The following KANK4 variants were observed in gnomAD, a reference collection of about 807,000 sequenced individuals.
The protein encoded by KANK4 is KN motif and ankyrin repeat domains 4, also known as KN motif and ankyrin repeat domain-containing protein 4.
Under a neutral mutation model 80.8 loss-of-function variants are expected in KANK4, and 50 were observed. The ratio of observed to expected loss-of-function variants is 0.62; its 90% confidence interval spans 0.49 to 0.78. The LOEUF (loss-of-function observed/expected upper bound fraction) is 0.78, where lower values mean the gene tolerates loss of function less well. KANK4 is among the 30% of genes least tolerant of loss of function. KANK4 has a pLI of 0.00. For missense variants in KANK4, 1,196 were observed against 1,240.1 expected, an observed-to-expected ratio of 0.96 and a Z score of 0.53; for synonymous variants, 465 against 506.9, an observed-to-expected ratio of 0.92 and a Z score of 1.11.
chr1:62,284,158 C>T (rs528773027), intron 1 of KANK4, among the ~76,000 whole-genome samples: 1 of 152,290 alleles, frequency 6.6e-6, no homozygotes, highest in East Asian at 1.9e-4. Flanking sequence ...ATGGTCCTAG[C>T]AACAGACATC....
intron 4 of KANK4, among the ~76,000 whole-genome samples, 158 bp downstream of exon 4, chr1:62,271,320 G>A (rs551961959): frequency 9.2e-5 from 14 of 152,262 alleles, no homozygotes; most frequent in South Asian, 4.1e-4. Context: ...GAAGCCAAAC[G>A]CATGCAAACC....
At position 62,263,114 on chromosome 1, in the gene KANK4, G is replaced by A. The variant is rs1671928209; in HGVS notation, c.2517C>T (p.Ile839=). The A allele has an allele frequency of 1.2e-6, 2 of 1,613,234 alleles. No individual in the cohort carries two copies. Among genetic ancestry groups the A allele is most frequent in the Non-Finnish European group, 1.7e-6 (2 of 1,179,516 alleles). ...HYSVSHSNFS[I]VKLLLETGVC... is the part of the protein sequence containing the mutation. ...GACCTGTCTCCAGCAGCAGCTTCAC[G>A]ATGGAGAAGTTGGAGTGGGACACGC... The change falls in exon 7 of 10, where the codon ATC becomes ATT. Residue 839 remains isoleucine, a synonymous_variant. Transcript: ENST00000371153.
intron 6 of KANK4, among the ~76,000 whole-genome samples, chr1:62,265,502 A>G (rs963338149): frequency 6.6e-6 from 1 of 152,170 alleles, no homozygotes; most frequent in African/African-American, 2.4e-5. Flanking sequence ...TTGGCCTCCC[A>G]AAGTACTGGG....
intron 1 of KANK4, among the ~76,000 whole-genome samples, chr1:62,282,529 A>G (rs1336826060): frequency 1.3e-5 from 2 of 152,182 alleles, no homozygotes; most frequent in Non-Finnish European, 2.9e-5. Context: ...GTGATGAGGG[A>G]AGGACTGGGA....
intron 6 of KANK4, among the ~76,000 whole-genome samples, chr1:62,266,495 C>T (rs544705535): frequency 6.6e-6 from 1 of 151,608 alleles, no homozygotes; most frequent in African/African-American, 2.4e-5. Flanking sequence ...CACTGCCTCA[C>T]ACACACACCA....
At chr1:62,309,456 A>C (rs2149172283) in intron 1 of KANK4, among the ~76,000 whole-genome samples, 1 of 152,296 alleles carries the variant, frequency 6.6e-6, no homozygotes, top group Non-Finnish European at 1.5e-5. Context: ...TCCTCGACAC[A>C]CCAGTGAAGT....
intron 6 of KANK4, among the ~76,000 whole-genome samples, chr1:62,266,040 T>G (rs1672008922): frequency 6.6e-6 from 1 of 152,204 alleles, no homozygotes; most frequent in African/African-American, 2.4e-5. Context: ...GAACCTTCAG[T>G]TCCCATTCTA....
At chr1:62,306,625 C>G (rs1644453329) in intron 1 of KANK4, among the ~76,000 whole-genome samples, 1 of 152,060 alleles carries the variant, frequency 6.6e-6, no homozygotes, top group Non-Finnish European at 1.5e-5. Flanking sequence ...GTTGCTCAGG[C>G]AGAGGTGCAG....
chr1:62,302,019 G>C (rs940680070), intron 1 of KANK4, among the ~76,000 whole-genome samples: 4 of 152,022 alleles, frequency 2.6e-5, no homozygotes, highest in African/African-American at 9.7e-5. Context: ...GCCAGGATGG[G>C]GTACAGCTCA....
chr1:62,259,863 G>T (rs1217005911), intron 7 of KANK4, among the ~76,000 whole-genome samples: 1 of 151,722 alleles, frequency 6.6e-6, no homozygotes, highest in East Asian at 1.9e-4. Flanking sequence ...CATCTGTGGG[G>T]ATCATTTGGG....
chr1:62,295,487 A>G (rs935748139), intron 1 of KANK4, among the ~76,000 whole-genome samples: 2 of 152,150 alleles, frequency 1.3e-5, no homozygotes, highest in Admixed American at 6.5e-5. Flanking sequence ...CAGCCAGGTT[A>G]TGGGCTCTTT....
chr1:62,238,470 C>T, intron 9 of KANK4, 89 bp from the exon 10 acceptor site: 1 of 1,047,148 alleles, frequency 9.5e-7, no homozygotes. Context: ...AGAGGGTATG[C>T]CTGGGACACA....
In KANK4 at chr1:62,236,374, T is replaced by A. The variant is rs924189925; in HGVS notation, c.*1903A>T. Among the ~76,000 whole-genome samples, 5 of 152,100 alleles carry A rather than the reference T, an allele frequency of 3.3e-5. No homozygotes were observed. The highest frequency in any genetic ancestry group is 1.2e-4 in the African/African-American group (5 of 41,412). On this transcript the variant is annotated 3_prime_UTR_variant, in exon 10 of 10. Coordinates refer to ENST00000371153, the MANE Select transcript of KANK4 (RefSeq NM_181712.5). ...TTCGCGAAGCACCGGGCTAGAACAT[T>A]TATTAACGTAGGATGTTGCTCTTAC...
At chr1:62,287,412 C>T (rs1044369119) in intron 1 of KANK4, among the ~76,000 whole-genome samples, 1 of 152,202 alleles carries the variant, frequency 6.6e-6, no homozygotes, top group Non-Finnish European at 1.5e-5. Context: ...TTCACTGATA[C>T]TGACTGTCTG....
chr1:62,291,418 G>A (rs1354437469), intron 1 of KANK4, among the ~76,000 whole-genome samples: 7 of 152,114 alleles, frequency 4.6e-5, no homozygotes, highest in African/African-American at 1.7e-4. Flanking sequence ...TAAGCTTCCA[G>A]CTTCATTTTT....
intron 5 of KANK4, among the ~76,000 whole-genome samples, chr1:62,267,801 C>CAAA (rs59851783): frequency 0.056 from 7,102 of 126,434 alleles, 404 homozygotes; most frequent in African/African-American, 0.15. Context: ...GACTCCGTCT[C>CAAA]AAAAAAAAAA....
At position 62,319,349 on chromosome 1, in the gene KANK4, G is replaced by A. The variant is rs1037645338; in HGVS notation, c.-314C>T. On this transcript the variant is annotated 5_prime_UTR_variant, in exon 1 of 10. Transcript: ENST00000371153. ...TGCGGGCACACCCACCGCGGCGGAT[G>A]CGGGACTGGCCAGGCGCCGCCAGCC... 6 of 151,962 alleles carry A rather than the reference G, an allele frequency of 3.9e-5. No individual in the cohort carries two copies. Among genetic ancestry groups the A allele is most frequent in the African/African-American group, 1.4e-4 (6 of 41,408 alleles). 9.4% of individuals were successfully genotyped at this position (151,962 alleles called of 1,614,324 possible).
chr1:62,276,433 C>T (rs1672316001), intron 2 of KANK4, among the ~76,000 whole-genome samples: 1 of 152,098 alleles, frequency 6.6e-6, no homozygotes, highest in Non-Finnish European at 1.5e-5. Flanking sequence ...CTTAGCCTTC[C>T]TATGTCTCAT....
At chr1:62,275,862 A>AGGG (rs1557491723) in intron 2 of KANK4, among the ~76,000 whole-genome samples, 20 of 48,180 alleles carry the variant, frequency 4.2e-4, no homozygotes, top group African/African-American at 2.3e-3. Context: ...GGGAGGGAGG[A>AGGG]AGGAAGGGAG....
Sources: allele counts gnomAD v4.1 joint callset (sites outside exome capture counted in the v4.1 genomes callset), GRCh38; gene constraint gnomAD v4.1.1; transcripts MANE v1.5; gene names NCBI Gene and HGNC (gene_info 2026-07-23, HGNC 2026-07-21).